ERICH1: variants seen among roughly 807,000 people sequenced by gnomAD.
The protein encoded by ERICH1 is glutamate rich 1.
In ERICH1, 56 loss-of-function variants were observed where a neutral mutation model predicts 39.6. That is an observed-to-expected ratio of 1.41 (90% CI 1.14 to 1.77). The LOEUF (loss-of-function observed/expected upper bound fraction) is 1.77. Among genes scored for constraint, ERICH1 ranks in the 40% most tolerant of loss-of-function variants. The pLI, the probability that ERICH1 is intolerant of heterozygous loss-of-function variation, is 0.00. For synonymous variants in ERICH1, 313 were observed against 223.6 expected, an observed-to-expected ratio of 1.40 and a Z score of -3.57; for missense variants, 826 against 575.4, an observed-to-expected ratio of 1.44 and a Z score of -4.45.
chr8:687,655 G>GGGCGGCCCA (rs1212398328), intron 3 of ERICH1, among the ~76,000 whole-genome samples: 4 of 152,108 alleles, frequency 2.6e-5, no homozygotes, highest in African/African-American at 9.7e-5. Flanking sequence ...GGGAGCGCCC[G>GGGCGGCCCA]GGCGGCCCAG....
intron 3 of ERICH1, among the ~76,000 whole-genome samples, chr8:688,419 G>A (rs577499014): frequency 7.0e-4 from 91 of 130,570 alleles, no homozygotes; most frequent in African/African-American, 2.6e-3. Context: ...GCTTCCCTCC[G>A]GCCTTCCTTA....
intron 3 of ERICH1, among the ~76,000 whole-genome samples, chr8:683,516 C>T (rs183909659): frequency 9.2e-5 from 14 of 152,356 alleles, no homozygotes; most frequent in Admixed American, 9.1e-4. Context: ...CGCTCTCTCT[C>T]TCTTAATAGA....
At chr8:672,282 T>C (rs1270168104) in intron 4 of ERICH1, 2 of 152,248 alleles carry the variant, frequency 1.3e-5, no homozygotes, top group African/African-American at 4.8e-5. Flanking sequence ...GTCTTAGCCA[T>C]GTCTTCCTGA....
At chr8:721,258 A>T (rs558095116) in intron 1 of ERICH1, among the ~76,000 whole-genome samples, 11 of 151,306 alleles carry the variant, frequency 7.3e-5, no homozygotes, top group South Asian at 6.2e-4. Flanking sequence ...GTATTTTTTA[A>T]AAAATATAAT....
chr8:708,172 T>C (rs1348565159), intron 2 of ERICH1, among the ~76,000 whole-genome samples: 1 of 152,180 alleles, frequency 6.6e-6, no homozygotes, highest in African/African-American at 2.4e-5. Flanking sequence ...ACTAGAACCT[T>C]TGTACAATGC....
chr8:678,760 A>G (rs1233290329), intron 3 of ERICH1, among the ~76,000 whole-genome samples: 1 of 152,158 alleles, frequency 6.6e-6, no homozygotes, highest in Non-Finnish European at 1.5e-5. Context: ...GTGAGCCCAG[A>G]TTGCACCACT....
chr8:725,083 T>C, intron 1 of ERICH1: 2 of 170,516 alleles, frequency 1.2e-5, no homozygotes, highest in East Asian at 1.8e-4. Context: ...CCCCTCCGGC[T>C]TCCTGTCTGC....
intron 3 of ERICH1, among the ~76,000 whole-genome samples, chr8:618,560 C>A (rs546934856): frequency 6.6e-6 from 1 of 152,316 alleles, no homozygotes; most frequent in South Asian, 2.1e-4. Context: ...AGAGCCTCCC[C>A]CTCCCACCCC....
intron 1 of ERICH1, 110 bp from the exon 2 acceptor site, chr8:716,117 C>A: frequency 7.5e-7 from 1 of 1,333,146 alleles, no homozygotes; most frequent in Non-Finnish European, 1.0e-6. Context: ...CTGAAAGCAC[C>A]AACGGAGACC....
chr8:677,827 A>G (rs1805201093), intron 3 of ERICH1, among the ~76,000 whole-genome samples: 1 of 151,944 alleles, frequency 6.6e-6, no homozygotes, highest in South Asian at 2.1e-4. Flanking sequence ...CACGGGGGCG[A>G]CCCTCATCAC....
chr8:664,676 T>G lies in ERICH1; in HGVS notation c.1259A>C (p.Asp420Ala). 3 of 1,603,296 alleles carry G rather than the reference T, an allele frequency of 1.9e-6. No homozygotes were observed. The highest frequency in any genetic ancestry group is 2.6e-6 in the Non-Finnish European group (3 of 1,175,442). ...GAAAGCTGAGATTACTCTGGCATGG[T>G]CTAGAAAGCAAAAAACACAAAACAA... is the stretch of plus-strand genomic sequence containing the variant. ...MFPEHCTMPPDHARVISAFFS... is the reference protein window; with the variant it reads ...MFPEHCTMPPAHARVISAFFS... Residue 420 changes from aspartate to alanine, a missense_variant and splice_region_variant, in exon 6 of 6, where the codon GAC (aspartate) becomes GCC (alanine). Coordinates refer to ENST00000262109, the MANE Select transcript of ERICH1 (RefSeq NM_207332.3).
At chr8:663,712 G>A (rs1480404161), downstream of ERICH1, among the ~76,000 whole-genome samples, 1 of 151,914 alleles carries the variant, frequency 6.6e-6, no homozygotes, top group Non-Finnish European at 1.5e-5. Flanking sequence ...CCCTTTCATA[G>A]ATAGAGGCAC....
chr8:666,417 C>G (rs960490843), intron 5 of ERICH1: 1 of 152,224 alleles, frequency 6.6e-6, no homozygotes, highest in Non-Finnish European at 1.5e-5. Flanking sequence ...TTGTTAAGTA[C>G]TTGCTGTAAG....
chr8:632,749 TC>T (rs1798121688), intron 3 of ERICH1, among the ~76,000 whole-genome samples: 1 of 152,040 alleles, frequency 6.6e-6, no homozygotes, highest in Non-Finnish European at 1.5e-5. Context: ...GGACAAAAAT[TC>T]AGATCATCAG....
At chr8:716,429 T>G (rs1816012911) in intron 1 of ERICH1, among the ~76,000 whole-genome samples, 2 of 152,128 alleles carry the variant, frequency 1.3e-5, no homozygotes, top group Admixed American at 1.3e-4. Flanking sequence ...GCCAGGTGAG[T>G]GAATGGAGCA....
intron 3 of ERICH1, among the ~76,000 whole-genome samples, chr8:624,541 AAAAGATGTTC>A (rs1348938447): frequency 5.3e-5 from 8 of 152,158 alleles, no homozygotes; most frequent in South Asian, 4.1e-4. Context: ...ATTTCTAAAG[AAAAGATGTTC>A]AATTGGCTCA....
rs1051675198 is a variant in ERICH1 at position 632,837 on chromosome 8, T to C, written c.977-17553A>G. 1.1e-4 allele frequency among the ~76,000 whole-genome samples: 16 copies of C among 152,232 alleles called. 1 individual carries two copies. Among genetic ancestry groups the C allele is most frequent in the African/African-American group, 2.4e-4 (10 of 41,472 alleles). ...ATGTGTGGAGTCATTTCTGGTTTCA[T>C]AGCTGGGGGTGTCGTTGTCATCTGT... On this transcript the variant is annotated intron_variant, in intron 3 of 3. Transcript: ENST00000522706.
At chr8:682,130 G>A (rs1409506154) in intron 3 of ERICH1, among the ~76,000 whole-genome samples, 1 of 152,006 alleles carries the variant, frequency 6.6e-6, no homozygotes, top group African/African-American at 2.4e-5. Context: ...CATTGTGGTG[G>A]TCCCTGCACC....
At chr8:715,454 G>T (rs1422542666) in intron 2 of ERICH1, among the ~76,000 whole-genome samples, 1 of 152,192 alleles carries the variant, frequency 6.6e-6, no homozygotes, top group African/African-American at 2.4e-5. Context: ...AAAGACCACG[G>T]GACAAGAACC....
Sources: gnomAD v4.1 joint callset for allele counts (sites outside exome capture counted in the v4.1 genomes callset) on GRCh38, gnomAD v4.1.1 for gene constraint, MANE v1.5 for transcripts, NCBI Gene and HGNC (gene_info 2026-07-23, HGNC 2026-07-21) for gene names.